ZNF804B: variants seen among roughly 807,000 people sequenced by gnomAD.
The protein encoded by ZNF804B is zinc finger protein 804B.
A neutral mutation model predicts 101.4 loss-of-function variants in ZNF804B; 80 were observed. The ratio of observed to expected loss-of-function variants is 0.79; its 90% confidence interval spans 0.66 to 0.95. The LOEUF (loss-of-function observed/expected upper bound fraction) is 0.95, where lower values mean the gene tolerates loss of function less well. Among genes scored for constraint, ZNF804B ranks in the 40% least tolerant of loss-of-function variants. The probability of loss-of-function intolerance (pLI) is 0.00; values close to 1 mark genes in which losing one functional copy is unlikely to be tolerated. For synonymous variants in ZNF804B, 622 were observed against 558.8 expected, an observed-to-expected ratio of 1.11 and a Z score of -1.59; for missense variants, 1,673 against 1,561.9, an observed-to-expected ratio of 1.07 and a Z score of -1.20.
intron 2 of ZNF804B, among the ~76,000 whole-genome samples, chr7:89,317,257 T>C (rs910170135): frequency 1.3e-5 from 2 of 152,198 alleles, no homozygotes; most frequent in African/African-American, 4.8e-5. Context: ...GCCTATACTC[T>C]TGATTATAGG....
At chr7:89,262,726 A>G (rs1789729026) in intron 2 of ZNF804B, among the ~76,000 whole-genome samples, 1 of 152,032 alleles carries the variant, frequency 6.6e-6, no homozygotes, top group Non-Finnish European at 1.5e-5. Flanking sequence ...TTTAGTCTAT[A>G]TAATTAGAGT....
chr7:89,028,982 G>T (rs1788789062), intron 1 of ZNF804B, among the ~76,000 whole-genome samples: 1 of 152,122 alleles, frequency 6.6e-6, no homozygotes, highest in South Asian at 2.1e-4. Context: ...AAATTATTTA[G>T]CAAAGTGGTC....
At position 89,220,151 on chromosome 7, in the gene ZNF804B, A is replaced by ATG. The variant is rs754692432; in HGVS notation, c.249+1857_249+1858insGT. On this transcript the variant is annotated intron_variant, in intron 2 of 3. Coordinates refer to ENST00000333190, the MANE Select transcript of ZNF804B (RefSeq NM_181646.5). Reference sequence around the variant, plus strand: ...CGCACACATATATGTGTGTATATACATATATATATACGCACATATATATGT... The same window carrying ATG: ...CGCACACATATATGTGTGTATATACATGTATATATATACGCACATATATATGT... 9.9e-3 allele frequency among the ~76,000 whole-genome samples: 376 copies of ATG among 38,028 alleles called. 30 individuals carry two copies. Among genetic ancestry groups the ATG allele is most frequent in the African/African-American group, 0.023 (201 of 8,570 alleles). 24.9% of individuals were successfully genotyped at this position (38,028 alleles called of 152,430 possible).
At chr7:89,219,835 A>AATATATATGT (rs1283684557) in intron 2 of ZNF804B, among the ~76,000 whole-genome samples, 2 of 149,142 alleles carry the variant, frequency 1.3e-5, no homozygotes, top group African/African-American at 5.0e-5. Context: ...GTGTATACTA[A>AATATATATGT]ATATATATGT....
chr7:89,180,213 C>G (rs530703966), intron 1 of ZNF804B, among the ~76,000 whole-genome samples: 8 of 152,232 alleles, frequency 5.3e-5, no homozygotes, highest in African/African-American at 1.9e-4. Flanking sequence ...GTAAAGCCAG[C>G]CAGGGTTGTG....
At chr7:89,280,577 C>A (rs1159553246) in intron 2 of ZNF804B, among the ~76,000 whole-genome samples, 1 of 152,152 alleles carries the variant, frequency 6.6e-6, no homozygotes, top group Non-Finnish European at 1.5e-5. Context: ...GGGGATATCA[C>A]CACCGATCCC....
intron 1 of ZNF804B, among the ~76,000 whole-genome samples, chr7:89,188,025 G>A (rs1484336825): frequency 4.0e-5 from 6 of 151,884 alleles, no homozygotes; most frequent in African/African-American, 1.2e-4. Context: ...TCATTTGATT[G>A]TGTTTCATTT....
intron 1 of ZNF804B, among the ~76,000 whole-genome samples, chr7:89,010,217 A>T (rs1243213749): frequency 6.7e-6 from 1 of 149,636 alleles, no homozygotes; most frequent in African/African-American, 2.5e-5. Context: ...ATTTATTTTT[A>T]AATTTAATTT....
intron 2 of ZNF804B, among the ~76,000 whole-genome samples, chr7:89,289,699 G>C (rs1790257214): frequency 6.6e-6 from 1 of 152,146 alleles, no homozygotes; most frequent in Non-Finnish European, 1.5e-5. Flanking sequence ...TCATCTCAGT[G>C]GTGGGAACTT....
intron 1 of ZNF804B, among the ~76,000 whole-genome samples, chr7:88,880,905 A>C (rs1792020472): frequency 6.6e-6 from 1 of 152,056 alleles, no homozygotes; most frequent in African/African-American, 2.4e-5. Context: ...TTTAATGGAA[A>C]ATTCTTTAAA....
intron 2 of ZNF804B, among the ~76,000 whole-genome samples, chr7:89,313,214 G>GTCAC (rs1790669409): frequency 1.3e-5 from 2 of 152,162 alleles, no homozygotes; most frequent in Admixed American, 1.3e-4. Context: ...TGTGGATCAA[G>GTCAC]TCACTTAACC....
chr7:89,110,611 T>C (rs1180108805), intron 1 of ZNF804B, among the ~76,000 whole-genome samples: 1 of 152,220 alleles, frequency 6.6e-6, no homozygotes, highest in Non-Finnish European at 1.5e-5. Context: ...TAGAGGGTTC[T>C]ATATGCTTTC....
intron 1 of ZNF804B, among the ~76,000 whole-genome samples, chr7:88,933,466 G>A (rs973307559): frequency 1.3e-5 from 2 of 151,808 alleles, no homozygotes; most frequent in African/African-American, 4.8e-5. Context: ...AAGAAACAAA[G>A]GGCATCCAAA....
chr7:88,873,405 C>T (rs188145316), intron 1 of ZNF804B, among the ~76,000 whole-genome samples: 1 of 152,220 alleles, frequency 6.6e-6, no homozygotes, highest in Non-Finnish European at 1.5e-5. Context: ...AAAATGTTCT[C>T]CCATTCTGTA....
chr7:89,145,532 T>G (rs915979763), intron 1 of ZNF804B, among the ~76,000 whole-genome samples: 1 of 152,100 alleles, frequency 6.6e-6, no homozygotes, highest in African/African-American at 2.4e-5. Flanking sequence ...AACAATTCTT[T>G]GGTTTTCTAA....
At chr7:88,921,904 T>C (rs1792725624) in intron 1 of ZNF804B, among the ~76,000 whole-genome samples, 1 of 152,110 alleles carries the variant, frequency 6.6e-6, no homozygotes, top group Non-Finnish European at 1.5e-5. Flanking sequence ...TACTGATATA[T>C]AACTAGCTGT....
At chr7:88,991,061 A>C (rs1394825162) in intron 1 of ZNF804B, among the ~76,000 whole-genome samples, 1 of 152,164 alleles carries the variant, frequency 6.6e-6, no homozygotes, top group Non-Finnish European at 1.5e-5. Context: ...AAGAAATACT[A>C]TACTGGGTGA....
At chr7:89,257,048 G>A (rs1004534476) in intron 2 of ZNF804B, among the ~76,000 whole-genome samples, 1 of 152,138 alleles carries the variant, frequency 6.6e-6, no homozygotes, top group Non-Finnish European at 1.5e-5. Context: ...AGTTAGACAA[G>A]TTACTGCTGC....
chr7:89,317,633 A>G (rs1790752362), intron 2 of ZNF804B, among the ~76,000 whole-genome samples: 1 of 152,218 alleles, frequency 6.6e-6, no homozygotes, highest in South Asian at 2.1e-4. Context: ...GCTAGAGTAG[A>G]GGAAAGGAAC....
Sources: allele counts gnomAD v4.1 joint callset (sites outside exome capture counted in the v4.1 genomes callset), GRCh38; gene constraint gnomAD v4.1.1; transcripts MANE v1.5; gene names NCBI Gene and HGNC (gene_info 2026-07-23, HGNC 2026-07-21).